MAGI2: variants seen among roughly 807,000 people sequenced by gnomAD.
MAGI2 encodes membrane-associated guanylate kinase, WW and PDZ domain-containing protein 2.
A neutral mutation model predicts 133.3 loss-of-function variants in MAGI2; 35 were observed. The observed-to-expected ratio is 0.26, with a 90% CI of 0.20 to 0.35. The LOEUF is 0.35. Ranked by LOEUF, MAGI2 falls within the 10% of genes least tolerant of loss-of-function variation. The pLI is 1.00. For synonymous variants in MAGI2, 729 were observed against 710.6 expected (o/e 1.03, Z -0.41); for missense variants, 1,636 against 1,863.4 (o/e 0.88, Z 2.25).
At chr7:78,536,495 T>G (rs117592813) in intron 3 of MAGI2, among the ~76,000 whole-genome samples, 3 of 152,134 alleles carry the variant, frequency 2.0e-5, no homozygotes, top group Non-Finnish European at 4.4e-5. Flanking sequence ...GTTGGGTAGT[T>G]ACAGCTTGGG....
chr7:78,987,825 C>T (rs9656216), intron 2 of MAGI2, among the ~76,000 whole-genome samples: 2,446 of 151,684 alleles, frequency 0.016, 49 homozygotes, highest in African/African-American at 0.05. Flanking sequence ...AAATATTTTA[C>T]GTTTTTATAC....
At chr7:78,600,333 T>C (rs1484965851) in intron 3 of MAGI2, among the ~76,000 whole-genome samples, 2 of 152,054 alleles carry the variant, frequency 1.3e-5, no homozygotes, top group South Asian at 2.1e-4. Flanking sequence ...GATGGAGAGT[T>C]AACTAGACTT....
intron 21 of MAGI2, among the ~76,000 whole-genome samples, chr7:78,033,691 A>G (rs893415739): frequency 5.9e-5 from 9 of 151,902 alleles, no homozygotes; most frequent in African/African-American, 2.2e-4. Context: ...GGAAAGTGTG[A>G]GTTTGAGTTT....
At chr7:78,548,582 C>G (rs144760107) in intron 3 of MAGI2, among the ~76,000 whole-genome samples, 1 of 152,254 alleles carries the variant, frequency 6.6e-6, no homozygotes, top group Admixed American at 6.5e-5. Flanking sequence ...GTAATCCCAG[C>G]TACTTGGGAG....
chr7:78,398,060 A>G (rs140063567), intron 6 of MAGI2, among the ~76,000 whole-genome samples: 1 of 152,168 alleles, frequency 6.6e-6, no homozygotes, highest in African/African-American at 2.4e-5. Context: ...AAGCTGAATT[A>G]TGTGTGTGAG....
chr7:79,401,504 T>C (rs750264405), intron 1 of MAGI2, among the ~76,000 whole-genome samples: 7 of 152,210 alleles, frequency 4.6e-5, no homozygotes, highest in South Asian at 2.1e-4. Context: ...TTGTTATTTG[T>C]TGACTTTTAA....
chr7:79,390,750 T>A (rs1214861747), intron 1 of MAGI2, among the ~76,000 whole-genome samples: 3 of 152,194 alleles, frequency 2.0e-5, no homozygotes, highest in African/African-American at 4.8e-5. Flanking sequence ...ACTCAAGTCA[T>A]ATTGCAGGGC....
chr7:78,374,177 C>T (rs535435627), intron 6 of MAGI2, among the ~76,000 whole-genome samples: 1 of 152,144 alleles, frequency 6.6e-6, no homozygotes. Context: ...AACTGTCAAA[C>T]TGCTTTCCAT....
At chr7:78,927,146 T>G (rs1161405121) in intron 2 of MAGI2, among the ~76,000 whole-genome samples, 1 of 152,040 alleles carries the variant, frequency 6.6e-6, no homozygotes, top group African/African-American at 2.4e-5. Flanking sequence ...GAAAAGAGAC[T>G]GAAGTTGGGC....
rs1803116813 is a variant in MAGI2 at position 78,583,908 on chromosome 7, G to C, written c.538+43212C>G. 2.0e-5 allele frequency among the ~76,000 whole-genome samples: 3 copies of C among 152,132 alleles called. No individual in the cohort carries two copies. The South Asian group carries it at 6.2e-4, about 32-fold the overall frequency. ...TGGAGAATTCAGGGGAAGCCAAATG[G>C]AGACAATTTCACCTTCTTCATTGTC... On this transcript the variant is annotated intron_variant, in intron 3 of 21. Coordinates refer to ENST00000354212, the MANE Select transcript of MAGI2 (RefSeq NM_012301.4).
intron 1 of MAGI2, among the ~76,000 whole-genome samples, chr7:79,093,709 CTTTTCT>C (rs1562882187): frequency 4.1e-4 from 48 of 116,562 alleles, no homozygotes; most frequent in African/African-American, 1.2e-3. Context: ...TTTTTCTTTT[CTTTTCT>C]TTTTTTTTTT....
intron 6 of MAGI2, among the ~76,000 whole-genome samples, chr7:78,403,591 G>A (rs1166170768): frequency 6.6e-6 from 1 of 152,148 alleles, no homozygotes; most frequent in Admixed American, 6.6e-5. Context: ...TTCCACAATG[G>A]TTGAACTAGT....
At chr7:79,235,408 C>T (rs1185965898) in intron 1 of MAGI2, among the ~76,000 whole-genome samples, 4 of 152,154 alleles carry the variant, frequency 2.6e-5, no homozygotes, top group Admixed American at 6.5e-5. Context: ...TGCCGCCTTG[C>T]AGTTTGATCT....
chr7:79,310,948 GCACA>G lies in MAGI2; in HGVS notation c.301+142068_301+142071del, dbSNP rs34744101. ...CTCTCACTTTAAAACACACACACAT[GCACA>G]CACACACACACACACCCCTCTCCAT... On this transcript the variant is annotated intron_variant, in intron 1 of 21. Transcript: ENST00000354212. 8.2e-3 allele frequency among the ~76,000 whole-genome samples: 1,230 copies of G among 149,880 alleles called. 7 individuals are homozygous for G. Among genetic ancestry groups the G allele is most frequent in the African/African-American group, 0.028 (1,152 of 40,850 alleles).
At chr7:79,318,795 T>A (rs1030883713) in intron 1 of MAGI2, among the ~76,000 whole-genome samples, 45 of 152,288 alleles carry the variant, frequency 3.0e-4, no homozygotes, top group African/African-American at 9.9e-4. Context: ...TTTTCTCTTT[T>A]TCCAGTAAGT....
chr7:79,222,264 T>G (rs922147195), intron 1 of MAGI2, among the ~76,000 whole-genome samples: 1 of 152,048 alleles, frequency 6.6e-6, no homozygotes, highest in Non-Finnish European at 1.5e-5. Flanking sequence ...GATATTTTGG[T>G]AGCCAAAGTG....
At chr7:78,833,940 A>G (rs1473185391) in intron 2 of MAGI2, among the ~76,000 whole-genome samples, 3 of 152,182 alleles carry the variant, frequency 2.0e-5, no homozygotes, top group South Asian at 2.1e-4. Context: ...AGTTTTTTCT[A>G]TACTCCATAG....
intron 1 of MAGI2, among the ~76,000 whole-genome samples, chr7:79,028,328 CAT>C (rs57985330): frequency 8.6e-6 from 1 of 116,416 alleles, no homozygotes; most frequent in Admixed American, 9.2e-5. Flanking sequence ...CATATATATA[CAT>C]ATATATACAC....
chr7:78,630,413 CTTT>C (rs35696228), intron 2 of MAGI2, among the ~76,000 whole-genome samples: 20 of 112,308 alleles, frequency 1.8e-4, no homozygotes, highest in African/African-American at 5.9e-4. Flanking sequence ...TTGTGTTTAA[CTTT>C]TTTTTTTTTT....
Sources: gnomAD v4.1 joint callset for allele counts (sites outside exome capture counted in the v4.1 genomes callset) on GRCh38, gnomAD v4.1.1 for gene constraint, MANE v1.5 for transcripts, NCBI Gene and HGNC (gene_info 2026-07-23, HGNC 2026-07-21) for gene names.